Variants in SEMA3C observed in about 807,000 individuals in gnomAD.
SEMA3C encodes semaphorin-3C.
Under a neutral mutation model 89.4 loss-of-function variants are expected in SEMA3C, and 47 were observed. The ratio of observed to expected loss-of-function variants is 0.53; its 90% CI spans 0.42 to 0.67. The LOEUF (loss-of-function observed/expected upper bound fraction) is 0.67. Ranked by LOEUF, SEMA3C falls within the 30% of genes least tolerant of loss-of-function variation. The probability of loss-of-function intolerance (pLI) is 0.00; values close to 1 mark genes in which losing one functional copy is unlikely to be tolerated. For missense variants in SEMA3C, 839 were observed against 929.1 expected (o/e 0.90, Z 1.26); for synonymous variants, 310 against 320.2 (o/e 0.97, Z 0.34).
intron 13 of SEMA3C, among the ~76,000 whole-genome samples, chr7:80,762,177 G>T (rs888308227): frequency 2.0e-5 from 3 of 150,974 alleles, no homozygotes; most frequent in Non-Finnish European, 2.9e-5. Context: ...AATCTGAGAA[G>T]GAAATTTTTG....
intron 9 of SEMA3C, 95 bp from the exon 10 acceptor site, chr7:80,800,921 T>C (rs1789186757): frequency 1.5e-6 from 1 of 688,456 alleles, no homozygotes; most frequent in Non-Finnish European, 2.4e-6. Context: ...CTCTGAAAAG[T>C]ACTCTGCAAA....
intron 2 of SEMA3C, among the ~76,000 whole-genome samples, chr7:80,833,434 C>A (rs969321321): frequency 1.3e-5 from 2 of 151,590 alleles, no homozygotes; most frequent in Admixed American, 1.3e-4. Context: ...GCACTCCAGC[C>A]TGGGGTGACA....
Position 80,802,793 on chromosome 7 carries a change from G to C in SEMA3C, c.802-14C>G. ...ACCAGTGTCATTCTAAAACCATTTT[G>C]TAAACATAATTCAGATTGCTTAAGT... On this transcript the variant is annotated splice_polypyrimidine_tract_variant and intron_variant, in intron 8 of 17. Transcript: ENST00000265361. 1 of 1,581,850 alleles carries C rather than the reference G, an allele frequency of 6.3e-7. No homozygotes were observed. The highest frequency in any genetic ancestry group is 8.7e-7 in the Non-Finnish European group (1 of 1,151,802).
intron 5 of SEMA3C, among the ~76,000 whole-genome samples, chr7:80,817,926 T>C (rs997279218): frequency 2.0e-5 from 3 of 152,136 alleles, no homozygotes; most frequent in African/African-American, 7.2e-5. Flanking sequence ...ATATTATTAC[T>C]GTATTACATT....
intron 12 of SEMA3C, among the ~76,000 whole-genome samples, chr7:80,770,514 G>C (rs191180050): frequency 6.6e-6 from 1 of 152,272 alleles, no homozygotes; most frequent in Non-Finnish European, 1.5e-5. Context: ...CTTTGCTATT[G>C]TGTAAAACGT....
upstream of SEMA3C, among the ~76,000 whole-genome samples, chr7:80,920,107 C>G (rs998380435): frequency 3.9e-5 from 6 of 152,110 alleles, no homozygotes; most frequent in Non-Finnish European, 7.4e-5. Context: ...CAACAGATTG[C>G]CATAACCACA....
chr7:80,840,747 G>A (rs563252334), intron 2 of SEMA3C, among the ~76,000 whole-genome samples: 2 of 151,944 alleles, frequency 1.3e-5, no homozygotes, highest in Non-Finnish European at 2.9e-5. Context: ...TAGACAGAAG[G>A]AAGTACTTGA....
chr7:80,919,368 C>A (rs1375833305), upstream of SEMA3C: 2 of 985,244 alleles, frequency 2.0e-6, no homozygotes, highest in East Asian at 2.3e-4. Flanking sequence ...GAGTGAGCAA[C>A]TTGCTGGGTG....
chr7:80,778,355 T>C (rs1449352876), intron 12 of SEMA3C, among the ~76,000 whole-genome samples: 4 of 152,234 alleles, frequency 2.6e-5, no homozygotes, highest in Admixed American at 2.0e-4. Context: ...CTACAAAGGA[T>C]ACAACAACTA....
At chr7:80,867,580 G>A (rs1272844945) in intron 2 of SEMA3C, among the ~76,000 whole-genome samples, 1 of 152,202 alleles carries the variant, frequency 6.6e-6, no homozygotes, top group Non-Finnish European at 1.5e-5. Context: ...GATGCTCAGT[G>A]AAATTTTGGA....
intron 15 of SEMA3C, among the ~76,000 whole-genome samples, chr7:80,756,292 AAT>A (rs1788064603): frequency 6.6e-6 from 1 of 152,062 alleles, no homozygotes; most frequent in African/African-American, 2.4e-5. Context: ...CAAATATATC[AAT>A]AGATTCTGTG....
intron 2 of SEMA3C, among the ~76,000 whole-genome samples, chr7:80,905,563 T>C (rs1791994634): frequency 1.3e-5 from 2 of 152,084 alleles, no homozygotes; most frequent in African/African-American, 4.8e-5. Flanking sequence ...GCCGGGAGAC[T>C]CCTGCAATAA....
chr7:80,880,305 A>C (rs1156359573), intron 2 of SEMA3C, among the ~76,000 whole-genome samples: 3 of 152,124 alleles, frequency 2.0e-5, no homozygotes, highest in African/African-American at 7.2e-5. Flanking sequence ...TGAATAATTT[A>C]TTCATCATGT....
intron 2 of SEMA3C, among the ~76,000 whole-genome samples, chr7:80,832,115 A>AAAAGC (rs767368280): frequency 3.9e-5 from 6 of 152,272 alleles, no homozygotes; most frequent in South Asian, 2.1e-4. Flanking sequence ...AGTATATCTA[A>AAAAGC]AAAGCAAAGC....
At chr7:80,809,642 T>C (rs554909472) in intron 6 of SEMA3C, among the ~76,000 whole-genome samples, 54 of 152,334 alleles carry the variant, frequency 3.5e-4, no homozygotes, top group Middle Eastern at 3.4e-3. Context: ...GGTATTTCAT[T>C]GTCTATACTC....
chr7:80,786,491 T>C (rs1472520903), intron 12 of SEMA3C, among the ~76,000 whole-genome samples: 1 of 152,044 alleles, frequency 6.6e-6, no homozygotes, highest in Non-Finnish European at 1.5e-5. Context: ...TCATCTTTTC[T>C]GGGTAATATG....
At chr7:80,863,392 C>T (rs1166428875) in intron 2 of SEMA3C, among the ~76,000 whole-genome samples, 1 of 150,410 alleles carries the variant, frequency 6.6e-6, no homozygotes, top group Non-Finnish European at 1.5e-5. Flanking sequence ...ACAGGCAACA[C>T]TTCTACACTA....
chr7:80,804,273 G>A (rs1789286368), intron 7 of SEMA3C, 25 bp from the exon 8 acceptor site: 1 of 1,489,322 alleles, frequency 6.7e-7, no homozygotes, highest in Non-Finnish European at 9.0e-7. Context: ...AAAAGACTAG[G>A]TATATATTCA....
At chr7:80,830,205 G>A (rs1789978250) in intron 2 of SEMA3C, among the ~76,000 whole-genome samples, 1 of 152,124 alleles carries the variant, frequency 6.6e-6, no homozygotes, top group African/African-American at 2.4e-5. Context: ...AATGAAACCA[G>A]GTTCTGTTGC....
Sources: gnomAD v4.1 joint callset for allele counts (sites outside exome capture counted in the v4.1 genomes callset) on GRCh38, gnomAD v4.1.1 for gene constraint, MANE v1.5 for transcripts, NCBI Gene and HGNC (gene_info 2026-07-23, HGNC 2026-07-21) for gene names.